ARHGAP21: variants seen among roughly 807,000 people sequenced by gnomAD.
ARHGAP21 encodes the protein rho GTPase-activating protein 21.
Under a neutral mutation model 164.6 loss-of-function variants are expected in ARHGAP21, and 38 were observed. The ratio of observed to expected loss-of-function variants is 0.23; its 90% CI spans 0.18 to 0.30. ARHGAP21 has a LOEUF of 0.30. ARHGAP21 is among the 10% of genes least tolerant of loss of function. The pLI is 1.00. For missense variants in ARHGAP21, 1,822 were observed against 2,370.7 expected (o/e 0.77, Z 4.81); for synonymous variants, 766 against 857.9 (o/e 0.89, Z 1.87).
At chr10:24,688,340 C>T (rs1045142859) in intron 2 of ARHGAP21, among the ~76,000 whole-genome samples, 2 of 152,076 alleles carry the variant, frequency 1.3e-5, no homozygotes, top group African/African-American at 4.8e-5. Context: ...TTGAAGTGAG[C>T]CGAGATGGCA....
chr10:24,723,673 C>CCCGCCG lies in ARHGAP21; in HGVS notation c.-498_-493dup, dbSNP rs558378115. ...CCCGCAGCCGGACGATCCCGCGCTG[C>CCCGCCG]CCGCCGCCGCCGCCGCCGCCGCCGC... On this transcript the variant is annotated 5_prime_UTR_variant, in exon 1 of 26. Transcript: ENST00000396432. 0.014 allele frequency: 2,056 copies of CCCGCCG among 147,758 alleles called. 7 individuals are homozygous for CCCGCCG. The highest frequency in any genetic ancestry group is 0.027 in the South Asian group (149 of 5,520). The allele number at this position is 147,758 out of a possible 1,614,324, so 9.2% of individuals were successfully genotyped here.
chr10:24,719,029 G>T (rs1845662279), intron 2 of ARHGAP21, among the ~76,000 whole-genome samples: 1 of 151,562 alleles, frequency 6.6e-6, no homozygotes, highest in Non-Finnish European at 1.5e-5. Context: ...GGATTCAACA[G>T]AAGAATCTAT....
chr10:24,609,764 G>T (rs530962367), intron 9 of ARHGAP21, among the ~76,000 whole-genome samples: 1 of 152,146 alleles, frequency 6.6e-6, no homozygotes, highest in South Asian at 2.1e-4. Flanking sequence ...GTAAAAACAA[G>T]AATAATTCCA....
rs145491999 is a variant in ARHGAP21, at chr10:24,716,693, T to C, written c.63+5144A>G. On this transcript the variant is annotated intron_variant, in intron 2 of 25. Transcript: ENST00000396432. ...GGAATGACACAACTTGATTTATAAATTGTCTGTCCTGATTGCTGTGTGGAG... is the reference window on the plus strand; with the variant it reads ...GGAATGACACAACTTGATTTATAAACTGTCTGTCCTGATTGCTGTGTGGAG... Among the ~76,000 whole-genome samples the C allele has an allele frequency of 1.3e-3, 194 of 152,326 alleles. 1 individual carries two copies. Among genetic ancestry groups the C allele is most frequent in the East Asian group, 9.8e-3 (51 of 5,182 alleles).
chr10:24,723,081 C>G (rs1846092140), intron 1 of ARHGAP21: 1 of 151,860 alleles, frequency 6.6e-6, no homozygotes, highest in Admixed American at 6.6e-5. Context: ...CTCGAGCTCC[C>G]GAGGAGAGCG....
intron 22 of ARHGAP21, 32 bp from the exon 23 acceptor site, chr10:24,591,715 A>G (rs1564958868): frequency 6.2e-7 from 1 of 1,612,046 alleles, no homozygotes; most frequent in African/African-American, 1.3e-5. Context: ...AAGAGAAATT[A>G]AACAAGCCTT....
In ARHGAP21 at chr10:24,607,738, G is replaced by A; in HGVS notation, c.2581+7C>T. ...ATACGGTTTACAAAACCACCCTTTA[G>A]ACGTACCGTGGTCATGTGAGAGCTG... On this transcript the variant is annotated splice_region_variant and intron_variant, in intron 10 of 25. Transcript: ENST00000396432. 2.5e-6 allele frequency: 4 copies of A among 1,613,610 alleles called. No individual in the cohort carries two copies. Among genetic ancestry groups the A allele is most frequent in the Non-Finnish European group, 3.4e-6 (4 of 1,179,792 alleles).
At chr10:24,617,514 A>G (rs1319422990) in intron 9 of ARHGAP21, among the ~76,000 whole-genome samples, 1 of 152,086 alleles carries the variant, frequency 6.6e-6, no homozygotes, top group Non-Finnish European at 1.5e-5. Flanking sequence ...GGAGTCTACT[A>G]TTTGCTGAGC....
In ARHGAP21 at chr10:24,585,425, C is replaced by T. The variant is rs750504576; in HGVS notation, c.4864G>A (p.Glu1622Lys). ...AESKGDEADD[E>K]RSELISEGRP... The stretch of plus-strand genomic sequence containing the variant: ...CCTTCACTGATGAGTTCGCTTCTCT[C>T]GTCATCTGCCTCGTCCCCCTTGCTC... Residue 1622 changes from glutamate (E) to lysine (K), a missense_variant, in exon 26 of 26, where the codon GAG (glutamate) becomes AAG (lysine). Glu to Lys is a moderately conservative substitution (Grantham distance 56). This residue lies in a region of ARHGAP21 where 333 missense variants were observed against 383.9 expected (regional missense o/e 0.87). Transcript: ENST00000396432. The T allele has an allele frequency of 7.4e-6, 12 of 1,613,944 alleles. No homozygotes were observed. Among genetic ancestry groups the T allele is most frequent in the African/African-American group, 4.0e-5 (3 of 74,924 alleles).
In ARHGAP21 at chr10:24,694,370, G is replaced by A. The variant is rs11014202; in HGVS notation, c.64-23973C>T. On this transcript the variant is annotated intron_variant, in intron 2 of 25. Coordinates refer to ENST00000396432, the MANE Select transcript of ARHGAP21 (RefSeq NM_020824.4). ...TGTTTGGCAACTGGGATTTCAAGAC[G>A]GTTCCCGTCATTCCTTAATGATAGT... is the stretch of plus-strand genomic sequence containing the variant. Among the ~76,000 whole-genome samples the A allele has an allele frequency of 2.6e-3, 398 of 152,326 alleles. 8 individuals are homozygous for A. The East Asian group carries it at 0.07, about 27-fold the overall frequency.
chr10:24,699,618 C>G (rs930534650), intron 2 of ARHGAP21, among the ~76,000 whole-genome samples: 1 of 152,140 alleles, frequency 6.6e-6, no homozygotes, highest in Non-Finnish European at 1.5e-5. Context: ...AGTCACCGTG[C>G]CCGGCCTAGA....
chr10:24,630,260 C>T (rs577641985), intron 6 of ARHGAP21, among the ~76,000 whole-genome samples: 30 of 152,122 alleles, frequency 2.0e-4, no homozygotes, highest in Non-Finnish European at 3.8e-4. Flanking sequence ...GGGACGGACC[C>T]CTGCCATGTT....
intron 2 of ARHGAP21, among the ~76,000 whole-genome samples, chr10:24,711,254 C>T (rs144586722): frequency 7.5e-4 from 114 of 151,952 alleles, no homozygotes; most frequent in African/African-American, 2.5e-3. Context: ...GATACTATTC[C>T]ATCCTCTAAG....
At chr10:24,667,088 TTCAAATC>T in intron 3 of ARHGAP21, 79 bp from the exon 4 acceptor site, 1 of 774,220 alleles carries the variant, frequency 1.3e-6, no homozygotes, top group East Asian at 3.4e-5. Flanking sequence ...CTCAATTTAA[TTCAAATC>T]GACCTCCCCA....
At chr10:24,636,423 T>G (rs1435558842) in intron 4 of ARHGAP21, among the ~76,000 whole-genome samples, 1 of 152,172 alleles carries the variant, frequency 6.6e-6, no homozygotes, top group Non-Finnish European at 1.5e-5. Flanking sequence ...GATGCACACT[T>G]AAGTTTGAGA....
chr10:24,682,291 T>A (rs186444203), intron 2 of ARHGAP21, among the ~76,000 whole-genome samples: 14 of 152,180 alleles, frequency 9.2e-5, no homozygotes, highest in Non-Finnish European at 1.5e-4. Context: ...ATATCACAAG[T>A]GTGATGGAAA....
chr10:24,612,489 G>A (rs748113040), intron 9 of ARHGAP21, among the ~76,000 whole-genome samples: 4 of 152,118 alleles, frequency 2.6e-5, no homozygotes, highest in Admixed American at 1.3e-4. Context: ...AGCAAAATAC[G>A]CTTAAAATCT....
At chr10:24,656,566 G>T (rs1277591980) in intron 4 of ARHGAP21, among the ~76,000 whole-genome samples, 6 of 84,020 alleles carry the variant, frequency 7.1e-5, no homozygotes, top group Non-Finnish European at 9.9e-5. Flanking sequence ...GGAGGGAGGT[G>T]GGGGGGGTCA....
intron 2 of ARHGAP21, among the ~76,000 whole-genome samples, chr10:24,701,686 G>A (rs1462111242): frequency 6.6e-6 from 1 of 152,174 alleles, no homozygotes; most frequent in African/African-American, 2.4e-5. Context: ...GGGTACTGGA[G>A]ATAATGAAAG....
Sources: gnomAD v4.1 joint callset for allele counts (sites outside exome capture counted in the v4.1 genomes callset) on GRCh38, gnomAD v4.1.1 for gene constraint, gnomAD v4.1.1 regional missense constraint, MANE v1.5 for transcripts, NCBI Gene and HGNC (gene_info 2026-07-23, HGNC 2026-07-21) for gene names.